CD226: variants seen among roughly 807,000 people sequenced by gnomAD.
The protein encoded by CD226 is CD226 molecule, also known as CD226 antigen.
In CD226, 24 loss-of-function variants were observed where a neutral mutation model predicts 34.9. The ratio of observed to expected loss-of-function variants is 0.69; its 90% CI spans 0.50 to 0.97. The LOEUF (loss-of-function observed/expected upper bound fraction) is 0.97. CD226 is among the 50% of genes least tolerant of loss of function. The pLI, the probability that CD226 is intolerant of heterozygous loss-of-function variation, is 0.00. For missense variants in CD226, 397 were observed against 412.7 expected, an observed-to-expected ratio of 0.96 and a Z score of 0.33; for synonymous variants, 148 against 147.4, an observed-to-expected ratio of 1.00 and a Z score of -0.03.
intron 3 of CD226, among the ~76,000 whole-genome samples, chr18:69,883,151 T>C (rs1040309292): frequency 1.3e-5 from 2 of 152,182 alleles, no homozygotes; most frequent in African/African-American, 4.8e-5. Context: ...AGTTCTCTGC[T>C]TGGATAAGCA....
chr18:69,895,655 G>A (rs1985226286), intron 3 of CD226, 46 bp downstream of exon 3: 2 of 1,454,480 alleles, frequency 1.4e-6, no homozygotes, highest in South Asian at 2.4e-5. Context: ...CCACGGGGCT[G>A]GCTTTTTCCA....
chr18:69,877,105 C>T (rs1029629095), intron 3 of CD226, among the ~76,000 whole-genome samples: 1 of 152,032 alleles, frequency 6.6e-6, no homozygotes, highest in Non-Finnish European at 1.5e-5. Context: ...CTAAGGTGAT[C>T]CGCCCTCCTC....
chr18:69,896,904 A>G (rs1985334669), intron 2 of CD226, among the ~76,000 whole-genome samples: 1 of 152,178 alleles, frequency 6.6e-6, no homozygotes, highest in African/African-American at 2.4e-5. Flanking sequence ...TGATACCATG[A>G]AAGTCCAGTA....
rs956133312 is a variant in CD226 at position 69,862,768 on chromosome 18, A to T, written c.*1546T>A. On this transcript the variant is annotated 3_prime_UTR_variant, in exon 6 of 6. Transcript: ENST00000582621. Reference sequence around the variant, plus strand: ...TTAAAAGTGTAAATTACATCTTAGAATCTGTCTAGGCAACAGGAGAATTTG... The same window carrying T: ...TTAAAAGTGTAAATTACATCTTAGATTCTGTCTAGGCAACAGGAGAATTTG... The T allele has an allele frequency of 6.6e-6, 1 of 152,180 alleles. No homozygotes were observed. Among genetic ancestry groups the T allele is most frequent in the African/African-American group, 2.4e-5 (1 of 41,436 alleles). The allele number at this position is 152,180 out of a possible 1,614,324, so 9.4% of individuals were successfully genotyped here.
chr18:69,943,905 C>A (rs2055757097), intron 2 of CD226, among the ~76,000 whole-genome samples: 1 of 151,770 alleles, frequency 6.6e-6, no homozygotes, highest in Non-Finnish European at 1.5e-5. Flanking sequence ...GAGCATAGGG[C>A]CCAACTCCTT....
chr18:69,960,253 A>T (rs1208021066), upstream of CD226, among the ~76,000 whole-genome samples: 2 of 151,586 alleles, frequency 1.3e-5, no homozygotes, highest in East Asian at 3.9e-4. Flanking sequence ...AAAAAAAAAA[A>T]GAAAAGAAAA....
intron 1 of CD226, among the ~76,000 whole-genome samples, chr18:69,955,024 G>C (rs1407746405): frequency 6.7e-6 from 1 of 150,008 alleles, no homozygotes; most frequent in Admixed American, 6.6e-5. Context: ...AATATTACTG[G>C]ATTTCTCTAC....
At chr18:69,874,577 C>T (rs1983748185) in intron 3 of CD226, among the ~76,000 whole-genome samples, 2 of 152,192 alleles carry the variant, frequency 1.3e-5, no homozygotes, top group African/African-American at 4.8e-5. Flanking sequence ...TACTGTGACA[C>T]CCCGGCTGTC....
At chr18:69,900,498 C>T (rs1037872149) in intron 2 of CD226, among the ~76,000 whole-genome samples, 6 of 151,208 alleles carry the variant, frequency 4.0e-5, no homozygotes, top group Admixed American at 1.3e-4. Context: ...TTTGCGAGGC[C>T]GAGGCGGGCG....
intron 3 of CD226, among the ~76,000 whole-genome samples, chr18:69,890,755 C>T (rs1389222029): frequency 1.3e-5 from 2 of 152,082 alleles, no homozygotes; most frequent in Admixed American, 6.5e-5. Context: ...TATCTCTCTA[C>T]CCTGTGTAGG....
chr18:69,867,548 C>A (rs986669385), intron 4 of CD226, 137 bp from the exon 5 acceptor site: 1 of 588,422 alleles, frequency 1.7e-6, no homozygotes. Flanking sequence ...GCACATTTAT[C>A]CAAAATTCTG....
At chr18:69,927,774 T>C (rs368869663) in intron 2 of CD226, among the ~76,000 whole-genome samples, 135 of 152,356 alleles carry the variant, frequency 8.9e-4, no homozygotes, top group African/African-American at 3.1e-3. Context: ...ATACATTTTA[T>C]ATACATATAC....
At chr18:69,889,517 A>G (rs891271474) in intron 3 of CD226, among the ~76,000 whole-genome samples, 59 of 151,858 alleles carry the variant, frequency 3.9e-4, no homozygotes, top group African/African-American at 1.4e-3. Flanking sequence ...CTTGTCTACA[A>G]CCTGAAACTC....
intron 2 of CD226, among the ~76,000 whole-genome samples, chr18:69,943,577 G>C (rs916977745): frequency 6.6e-6 from 1 of 152,234 alleles, no homozygotes; most frequent in Admixed American, 6.5e-5. Context: ...TAGGCTGAAA[G>C]CTGGAGAGGG....
At chr18:69,949,336 C>T (rs374206833), upstream of CD226, among the ~76,000 whole-genome samples, 9 of 152,168 alleles carry the variant, frequency 5.9e-5, no homozygotes, top group African/African-American at 1.9e-4. Flanking sequence ...ATCTTGGTCA[C>T]TGTACAGAAC....
chr18:69,923,489 G>T (rs1362320298), intron 2 of CD226, among the ~76,000 whole-genome samples: 1 of 152,140 alleles, frequency 6.6e-6, no homozygotes, highest in Non-Finnish European at 1.5e-5. Context: ...TTGTTCTCTA[G>T]TGAAGCCTCT....
At chr18:69,906,240 C>A (rs2055251250) in intron 2 of CD226, among the ~76,000 whole-genome samples, 1 of 151,994 alleles carries the variant, frequency 6.6e-6, no homozygotes, top group Non-Finnish European at 1.5e-5. Context: ...ACTATATACG[C>A]CTAGATGTGA....
At chr18:69,879,715 C>T (rs1436991553) in intron 3 of CD226, among the ~76,000 whole-genome samples, 1 of 152,202 alleles carries the variant, frequency 6.6e-6, no homozygotes, top group Non-Finnish European at 1.5e-5. Flanking sequence ...AAAGTAAAGA[C>T]AAGCATAGGA....
chr18:69,923,571 A>C (rs544655516), intron 2 of CD226, among the ~76,000 whole-genome samples: 2 of 152,326 alleles, frequency 1.3e-5, no homozygotes, highest in East Asian at 3.9e-4. Context: ...AGAGGCCTAA[A>C]AAAATTAAGA....
Sources: gnomAD v4.1 joint callset for allele counts (sites outside exome capture counted in the v4.1 genomes callset) on GRCh38, gnomAD v4.1.1 for gene constraint, MANE v1.5 for transcripts, NCBI Gene and HGNC (gene_info 2026-07-23, HGNC 2026-07-21) for gene names.